The following FAM120A variants were observed in gnomAD, a reference collection of about 807,000 sequenced individuals.
FAM120A encodes constitutive coactivator of PPAR-gamma-like protein 1.
FAM120A carries 15 observed loss-of-function variants against 109.7 expected under a neutral mutation model. The observed-to-expected ratio is 0.14, with a 90% CI of 0.09 to 0.21. FAM120A has a LOEUF of 0.21. FAM120A is among the 10% of genes least tolerant of loss of function. FAM120A has a pLI of 1.00. For missense variants in FAM120A, 899 were observed against 1,439.3 expected, an observed-to-expected ratio of 0.62 and a Z score of 6.07; for synonymous variants, 493 against 572.8, an observed-to-expected ratio of 0.86 and a Z score of 1.99.
At chr9:93,538,877 GT>G (rs56333792) in intron 10 of FAM120A, among the ~76,000 whole-genome samples, 42,432 of 152,040 alleles carry the variant, frequency 0.28, 6,993 homozygotes, top group East Asian at 0.42. Context: ...AAAACATTGA[GT>G]TTTTTTACTG....
At chr9:93,464,169 T>C (rs1324782548) in intron 1 of FAM120A, among the ~76,000 whole-genome samples, 2 of 152,358 alleles carry the variant, frequency 1.3e-5, no homozygotes, top group South Asian at 4.1e-4. Flanking sequence ...GGGGTCTTCC[T>C]GTAGCTGTGT....
chr9:93,521,647 C>T (rs1252910364), intron 7 of FAM120A, among the ~76,000 whole-genome samples: 2 of 151,952 alleles, frequency 1.3e-5, no homozygotes, highest in African/African-American at 4.8e-5. Flanking sequence ...AATGTCTCCT[C>T]CAGTTCCTTT....
chr9:93,472,212 A>G (rs1235617205), intron 2 of FAM120A, among the ~76,000 whole-genome samples: 1 of 151,886 alleles, frequency 6.6e-6, no homozygotes, highest in Admixed American at 6.6e-5. Context: ...GTGATCCAAG[A>G]TCGTGCCACT....
chr9:93,563,284 T>G (rs1190412865), intron 17 of FAM120A, among the ~76,000 whole-genome samples: 2 of 152,192 alleles, frequency 1.3e-5, no homozygotes, highest in Non-Finnish European at 1.5e-5. Flanking sequence ...AGCTGGAAGG[T>G]TCCTGTTCTC....
At chr9:93,519,751 G>C (rs902166514) in intron 7 of FAM120A, among the ~76,000 whole-genome samples, 3 of 152,122 alleles carry the variant, frequency 2.0e-5, no homozygotes, top group African/African-American at 7.2e-5. Context: ...CCCCAACAAT[G>C]AATCAGTGGC....
chr9:93,553,892 T>C (rs1042799072), intron 12 of FAM120A, among the ~76,000 whole-genome samples: 7 of 152,110 alleles, frequency 4.6e-5, no homozygotes, highest in African/African-American at 1.7e-4. Flanking sequence ...TATTTATATA[T>C]AACATTTAGG....
chr9:93,476,360 T>A, intron 3 of FAM120A, 22 bp downstream of exon 3: 1 of 1,489,144 alleles, frequency 6.7e-7, no homozygotes, highest in Non-Finnish European at 9.4e-7. Context: ...ACTTTATTTT[T>A]CTAGCATTTG....
intron 16 of FAM120A, among the ~76,000 whole-genome samples, chr9:93,561,982 G>A (rs1440131841): frequency 6.6e-6 from 1 of 152,032 alleles, no homozygotes; most frequent in African/African-American, 2.4e-5. Flanking sequence ...ACCTGTTTAC[G>A]CCTAGTGTTC....
At position 93,452,426 on chromosome 9, in the gene FAM120A, C is replaced by T. The variant is rs1169871577; in HGVS notation, c.474+37C>T. On this transcript the variant is annotated intron_variant, in intron 1 of 17. Coordinates refer to ENST00000277165, the MANE Select transcript of FAM120A (RefSeq NM_014612.5). The surrounding 1 kb of genome is among the most constrained non-coding windows in gnomAD (Gnocchi z 7.0). The stretch of plus-strand genomic sequence containing the variant: ...GATCCGGGCGGGCCGGGGACCGGGG[C>T]CGCGCCGCACCCCTATCCCCCTTCC... 1.5e-5 allele frequency: 24 copies of T among 1,572,420 alleles called. No homozygotes were observed. Among genetic ancestry groups the T allele is most frequent in the Non-Finnish European group, 2.1e-5 (24 of 1,161,020 alleles).
chr9:93,548,719 C>T (rs773278398), intron 11 of FAM120A, among the ~76,000 whole-genome samples: 27 of 152,154 alleles, frequency 1.8e-4, no homozygotes, highest in Non-Finnish European at 2.8e-4. Flanking sequence ...TTCATATTTG[C>T]TGTTTCTTGC....
At chr9:93,507,677 C>T (rs150552275) in intron 5 of FAM120A, among the ~76,000 whole-genome samples, 137 of 152,202 alleles carry the variant, frequency 9.0e-4, no homozygotes, top group African/African-American at 2.9e-3. Context: ...TTGTTAGCAG[C>T]GCTGAGTTCT....
At chr9:93,521,819 G>A (rs532915278) in intron 7 of FAM120A, among the ~76,000 whole-genome samples, 2 of 152,332 alleles carry the variant, frequency 1.3e-5, no homozygotes, top group East Asian at 3.9e-4. Context: ...CGGGTGCAAT[G>A]GCTCATGCCT....
chr9:93,493,018 A>G (rs568901289), intron 3 of FAM120A, among the ~76,000 whole-genome samples: 1 of 152,104 alleles, frequency 6.6e-6, no homozygotes, highest in African/African-American at 2.4e-5. Flanking sequence ...TTCTCTATGA[A>G]CTTCTTTACT....
intron 12 of FAM120A, among the ~76,000 whole-genome samples, chr9:93,550,933 A>G (rs1192870516): frequency 6.6e-6 from 1 of 152,240 alleles, no homozygotes; most frequent in African/African-American, 2.4e-5. Context: ...TTGTCAGAGA[A>G]TGATTTCCCC....
At chr9:93,520,267 A>C (rs1237774771) in intron 7 of FAM120A, among the ~76,000 whole-genome samples, 2 of 151,966 alleles carry the variant, frequency 1.3e-5, no homozygotes, top group Non-Finnish European at 2.9e-5. Flanking sequence ...TGGGAGGATC[A>C]CTTGAGCCCA....
At position 93,565,976 on chromosome 9, in the gene FAM120A, C is replaced by T. The variant is rs1268763392; in HGVS notation, c.*1436C>T. ...TTACTGTAAGTTGAAGGGAGTTTTG[C>T]CCTAACTCATGGATTGTGCAAGAAT... On this transcript the variant is annotated 3_prime_UTR_variant, in exon 18 of 18. Coordinates refer to ENST00000277165, the MANE Select transcript of FAM120A (RefSeq NM_014612.5). The T allele has an allele frequency of 6.6e-6, 1 of 152,600 alleles. No individual in the cohort carries two copies. Among genetic ancestry groups the T allele is most frequent in the Non-Finnish European group, 1.5e-5 (1 of 68,042 alleles). The allele number at this position is 152,600 out of a possible 1,614,324, so 9.5% of individuals were successfully genotyped here.
intron 3 of FAM120A, among the ~76,000 whole-genome samples, chr9:93,496,777 C>T (rs879811116): frequency 2.6e-5 from 4 of 152,198 alleles, no homozygotes; most frequent in Admixed American, 6.5e-5. Context: ...TCCTGCCTAC[C>T]GCAAAGCTCT....
rs754216270 is a variant in FAM120A, at chr9:93,527,149, G to T, written c.1419-6G>T. The T allele has an allele frequency of 6.2e-7, 1 of 1,613,518 alleles. No individual in the cohort carries two copies. Among genetic ancestry groups the T allele is most frequent in the Non-Finnish European group, 8.5e-7 (1 of 1,179,468 alleles). On this transcript the variant is annotated splice_region_variant and splice_polypyrimidine_tract_variant and intron_variant, in intron 7 of 17. Coordinates refer to ENST00000277165, the MANE Select transcript of FAM120A (RefSeq NM_014612.5). ...TGGACAGTAATCATGTTCATTTTAT[G>T]TTTAGCCATATCAGCGGGAACAAGA... is the stretch of plus-strand genomic sequence containing the variant.
At chr9:93,487,589 C>G (rs982011532) in intron 3 of FAM120A, among the ~76,000 whole-genome samples, 1 of 152,076 alleles carries the variant, frequency 6.6e-6, no homozygotes, top group Admixed American at 6.5e-5. Context: ...AGAGTCAAAC[C>G]CAAAGGAAAT....
Sources: gnomAD v4.1 joint callset for allele counts (sites outside exome capture counted in the v4.1 genomes callset) on GRCh38, gnomAD v4.1.1 for gene constraint, Gnocchi (gnomAD v3.1) non-coding constraint, MANE v1.5 for transcripts, NCBI Gene and HGNC (gene_info 2026-07-23, HGNC 2026-07-21) for gene names.